RORA: variants seen among roughly 807,000 people sequenced by gnomAD.
RORA encodes the protein nuclear receptor ROR-alpha.
Under a neutral mutation model 69.5 loss-of-function variants are expected in RORA, and 7 were observed. That is an observed-to-expected ratio of 0.10 (90% CI 0.06 to 0.19). RORA has a LOEUF of 0.19. RORA is among the 10% of genes least tolerant of loss of function. The pLI, the probability that RORA is intolerant of heterozygous loss-of-function variation, is 1.00. For synonymous variants in RORA, 261 were observed against 240.8 expected (o/e 1.08, Z -0.78); for missense variants, 457 against 663.0 (o/e 0.69, Z 3.41).
At chr15:61,161,165 C>A (rs1257005239) in intron 1 of RORA, among the ~76,000 whole-genome samples, 1 of 152,110 alleles carries the variant, frequency 6.6e-6, no homozygotes, top group Non-Finnish European at 1.5e-5. Context: ...GATGCTGGAG[C>A]CAGAAGGATT....
intron 1 of RORA, among the ~76,000 whole-genome samples, chr15:60,984,910 A>G (rs1209231108): frequency 6.6e-6 from 1 of 151,196 alleles, no homozygotes; most frequent in East Asian, 1.9e-4. Flanking sequence ...GGGAGGAACT[A>G]GTTCTTCACT....
At chr15:61,148,957 G>A (rs1022874326) in intron 1 of RORA, among the ~76,000 whole-genome samples, 2 of 152,334 alleles carry the variant, frequency 1.3e-5, no homozygotes, top group Non-Finnish European at 2.9e-5. Flanking sequence ...ATAGACCCAT[G>A]ATGGGGGCTC....
intron 2 of RORA, among the ~76,000 whole-genome samples, chr15:60,575,748 C>T (rs1466726633): frequency 1.3e-5 from 2 of 152,112 alleles, no homozygotes; most frequent in Non-Finnish European, 2.9e-5. Flanking sequence ...CAAAACTTAG[C>T]TTATAAAATT....
chr15:60,827,294 T>A (rs1312188302), intron 1 of RORA, among the ~76,000 whole-genome samples: 2 of 152,242 alleles, frequency 1.3e-5, no homozygotes, highest in African/African-American at 4.8e-5. Context: ...CCCAATGCTT[T>A]CCAAACGTAA....
chr15:60,577,104 C>G (rs2068048685), intron 2 of RORA, among the ~76,000 whole-genome samples: 1 of 152,116 alleles, frequency 6.6e-6, no homozygotes, highest in Non-Finnish European at 1.5e-5. Context: ...TCTGGTCTTC[C>G]ACTGTTATGA....
At chr15:60,645,227 G>C (rs930883131) in intron 2 of RORA, among the ~76,000 whole-genome samples, 20 of 151,920 alleles carry the variant, frequency 1.3e-4, no homozygotes, top group Middle Eastern at 3.2e-3. Flanking sequence ...GCATGAGGGA[G>C]GGGGAAGGAG....
Position 60,816,069 on chromosome 15 carries a change from A to ATAAACAGTATATGTATACTG in RORA, c.167-137403_167-137384dup, listed in dbSNP as rs1567200770. 5.3e-3 allele frequency among the ~76,000 whole-genome samples: 659 copies of ATAAACAGTATATGTATACTG among 123,866 alleles called. 31 individuals carry two copies. The highest frequency in any genetic ancestry group is 0.014 in the African/African-American group (440 of 31,752). The allele number at this position is 123,866 out of a possible 152,430, so 81.3% of individuals were successfully genotyped here. On this transcript the variant is annotated intron_variant, in intron 1 of 10. Coordinates refer to ENST00000335670, the MANE Select transcript of RORA (RefSeq NM_134261.3). ...TAAAAACTATATGTATTTATATACT[A>ATAAACAGTATATGTATACTG]TAAACAGTATATGTATACTGTAAAC...
At chr15:60,720,470 G>C (rs1204391874) in intron 1 of RORA, among the ~76,000 whole-genome samples, 2 of 152,194 alleles carry the variant, frequency 1.3e-5, no homozygotes. Flanking sequence ...TTTATCAAGG[G>C]TACATTTAAC....
chr15:60,961,802 T>G (rs1162589959), intron 1 of RORA, among the ~76,000 whole-genome samples: 1 of 152,124 alleles, frequency 6.6e-6, no homozygotes, highest in Non-Finnish European at 1.5e-5. Context: ...GAGACACAGA[T>G]TGTATAGCTG....
chr15:60,969,134 A>G (rs1390901551), intron 1 of RORA, among the ~76,000 whole-genome samples: 1 of 152,164 alleles, frequency 6.6e-6, no homozygotes, highest in Non-Finnish European at 1.5e-5. Flanking sequence ...TGTGTGTCCC[A>G]TTACTAATGA....
intron 1 of RORA, among the ~76,000 whole-genome samples, chr15:60,797,474 C>A (rs565324586): frequency 2.6e-5 from 4 of 152,290 alleles, no homozygotes; most frequent in South Asian, 2.1e-4. Context: ...AGCCACAGGT[C>A]TTTTCCTTAC....
At chr15:61,021,516 C>G (rs149832223) in intron 1 of RORA, among the ~76,000 whole-genome samples, 1 of 152,126 alleles carries the variant, frequency 6.6e-6, no homozygotes, top group Non-Finnish European at 1.5e-5. Flanking sequence ...TTCTAGCAAT[C>G]GTACAAGTGA....
chr15:61,185,630 G>GA (rs965104367), intron 1 of RORA, among the ~76,000 whole-genome samples: 1 of 152,174 alleles, frequency 6.6e-6, no homozygotes, highest in African/African-American at 2.4e-5. Flanking sequence ...ACATTCAAGT[G>GA]AAAATCTCAT....
At chr15:61,136,363 G>C (rs369339776) in intron 1 of RORA, among the ~76,000 whole-genome samples, 14 of 152,162 alleles carry the variant, frequency 9.2e-5, no homozygotes, top group East Asian at 5.8e-4. Flanking sequence ...TGCTAGAGTT[G>C]GGTCCATTTT....
intron 1 of RORA, among the ~76,000 whole-genome samples, chr15:61,211,026 T>G (rs2079986452): frequency 6.6e-6 from 1 of 152,198 alleles, no homozygotes; most frequent in Non-Finnish European, 1.5e-5. Flanking sequence ...TCATCTTGTG[T>G]GAGTTTAGCT....
At chr15:60,639,868 A>T (rs1485981127) in intron 2 of RORA, among the ~76,000 whole-genome samples, 1 of 152,208 alleles carries the variant, frequency 6.6e-6, no homozygotes, top group Non-Finnish European at 1.5e-5. Context: ...TGATGATGGT[A>T]TTTGCTTACA....
At position 60,514,545 on chromosome 15, in the gene RORA, T is replaced by C. The variant is rs114692956; in HGVS notation, c.424+71A>G. On this transcript the variant is annotated intron_variant, in intron 4 of 10. Transcript: ENST00000335670. ...GGCAGGCGGGGCAGATATTGGCAGA[T>C]CTGAGTCCAGGTTTCAGAAGGCACT... 3.8e-4 allele frequency: 558 copies of C among 1,485,882 alleles called. 3 individuals carry two copies. In the African/African-American group the frequency reaches 7.2e-3, roughly 19 times the overall value. The allele number at this position is 1,485,882 out of a possible 1,614,324, so 92.0% of individuals were successfully genotyped here.
intron 1 of RORA, among the ~76,000 whole-genome samples, chr15:60,932,110 T>C (rs1290372793): frequency 6.6e-6 from 1 of 152,148 alleles, no homozygotes; most frequent in Non-Finnish European, 1.5e-5. Context: ...AGTATCAATG[T>C]CTTTGAATTC....
chr15:61,045,616 A>G (rs1896981364), intron 1 of RORA, among the ~76,000 whole-genome samples: 2 of 152,142 alleles, frequency 1.3e-5, no homozygotes, highest in Non-Finnish European at 2.9e-5. Context: ...GGGGTGTACC[A>G]GGTATAGAGG....
Sources: allele counts gnomAD v4.1 joint callset (sites outside exome capture counted in the v4.1 genomes callset), GRCh38; gene constraint gnomAD v4.1.1; transcripts MANE v1.5; gene names NCBI Gene and HGNC (gene_info 2026-07-23, HGNC 2026-07-21).